The following PTPRE variants were observed in gnomAD, a reference collection of about 807,000 sequenced individuals.
PTPRE encodes receptor-type tyrosine-protein phosphatase epsilon.
In PTPRE, 51 loss-of-function variants were observed where a neutral mutation model predicts 102.0. The observed-to-expected ratio is 0.50, with a 90% confidence interval of 0.40 to 0.63. The LOEUF (loss-of-function observed/expected upper bound fraction) is 0.63. Ranked by LOEUF, PTPRE falls within the 30% of genes least tolerant of loss-of-function variation. The pLI, the probability that PTPRE is intolerant of heterozygous loss-of-function variation, is 0.00. For synonymous variants in PTPRE, 345 were observed against 348.2 expected (o/e 0.99, Z 0.10); for missense variants, 752 against 915.1 (o/e 0.82, Z 2.30).
intron 2 of PTPRE, among the ~76,000 whole-genome samples, chr10:128,022,755 A>T (rs1293258171): frequency 6.6e-6 from 1 of 152,220 alleles, no homozygotes; most frequent in Non-Finnish European, 1.5e-5. Context: ...AGGGCTTCCC[A>T]GGCGGGCACA....
At chr10:127,973,736 G>T (rs1311577451) in intron 1 of PTPRE, among the ~76,000 whole-genome samples, 2 of 151,866 alleles carry the variant, frequency 1.3e-5, no homozygotes, top group Non-Finnish European at 2.9e-5. Flanking sequence ...AATATCCTCT[G>T]CATGCCTGTG....
chr10:128,022,671 C>G lies in PTPRE; in HGVS notation c.-7-18204C>G, dbSNP rs901295162. 9.2e-5 allele frequency among the ~76,000 whole-genome samples: 14 copies of G among 152,302 alleles called. 1 individual carries two copies. Among genetic ancestry groups the G allele is most frequent in the African/African-American group, 2.9e-4 (12 of 41,566 alleles). On this transcript the variant is annotated intron_variant, in intron 2 of 20. Coordinates refer to ENST00000254667, the MANE Select transcript of PTPRE (RefSeq NM_006504.6). ...ACTCACAGGAGCTCATGTTCAAGTT[C>G]AGAGAGAAAAGCAGACAGGGAGGCA...
At chr10:128,041,541 G>A (rs1283012067) in intron 3 of PTPRE, among the ~76,000 whole-genome samples, 2 of 151,096 alleles carry the variant, frequency 1.3e-5, no homozygotes, top group Non-Finnish European at 2.9e-5. Flanking sequence ...CCAGCCACTC[G>A]GGAGGCTGAG....
At chr10:128,041,364 C>T (rs1433549184) in intron 3 of PTPRE, among the ~76,000 whole-genome samples, 1 of 152,102 alleles carries the variant, frequency 6.6e-6, no homozygotes, top group African/African-American at 2.4e-5. Context: ...AAGAATTATT[C>T]TTAGGCCGGG....
intron 12 of PTPRE, 79 bp from the exon 13 acceptor site, chr10:128,069,613 G>A: frequency 6.4e-7 from 1 of 1,557,602 alleles, no homozygotes; most frequent in East Asian, 2.3e-5. Context: ...TGACCTGGGT[G>A]CGCAGGCCCC....
chr10:128,010,568 TTTC>T (rs1315004585), intron 2 of PTPRE, among the ~76,000 whole-genome samples: 2 of 145,446 alleles, frequency 1.4e-5, no homozygotes, highest in African/African-American at 5.5e-5. Context: ...TTTCTTTTCT[TTTC>T]TTTTCTTTTC....
chr10:128,040,814 C>A (rs773454404), intron 2 of PTPRE, 61 bp from the exon 3 acceptor site: 35 of 1,317,078 alleles, frequency 2.7e-5, no homozygotes, highest in Non-Finnish European at 3.7e-5. Flanking sequence ...CACTGCCTGG[C>A]ACCGGAGGGT....
At position 127,944,808 on chromosome 10, in the gene PTPRE, T is replaced by A. The variant is rs775361631; in HGVS notation, c.-30-37466T>A. ...GTTGCAGTGAAAGAAGATAGTGGCA[T>A]AAAATTAGGTAGGTGGCAATGAGAT... On this transcript the variant is annotated intron_variant, in intron 1 of 20. Transcript: ENST00000254667. This position sits in a 1 kb window ranked among gnomAD's most constrained non-coding sequence, Gnocchi z 4.2. Among the ~76,000 whole-genome samples the A allele has an allele frequency of 2.0e-5, 3 of 152,088 alleles. No individual in the cohort carries two copies. The highest frequency in any genetic ancestry group is 4.4e-5 in the Non-Finnish European group (3 of 68,014).
At chr10:128,069,487 G>A (rs1850568684) in intron 12 of PTPRE, 1 of 621,846 alleles carries the variant, frequency 1.6e-6, no homozygotes, top group Non-Finnish European at 2.8e-6. Context: ...TTAGTAGAGT[G>A]TCGGTGGCTA....
intron 3 of PTPRE, among the ~76,000 whole-genome samples, chr10:128,041,646 CAAAAAAAA>C (rs59411622): frequency 3.9e-5 from 3 of 77,366 alleles, no homozygotes; most frequent in African/African-American, 5.4e-5. Flanking sequence ...GACTACGTCT[CAAAAAAAA>C]AAAAAAAAAA....
At chr10:128,060,661 C>T (rs368380654) in intron 7 of PTPRE, among the ~76,000 whole-genome samples, 4 of 152,168 alleles carry the variant, frequency 2.6e-5, no homozygotes, top group Non-Finnish European at 5.9e-5. Context: ...ACCCAGCAGC[C>T]CCCATCCTGG....
At chr10:127,999,394 C>A (rs1401381884) in intron 2 of PTPRE, 1 of 275,676 alleles carries the variant, frequency 3.6e-6, no homozygotes, top group Non-Finnish European at 5.5e-6. Context: ...TATTTTAGAA[C>A]TAAATGTGAA....
intron 1 of PTPRE, among the ~76,000 whole-genome samples, chr10:127,924,030 A>G (rs1033271058): frequency 1.3e-5 from 2 of 152,220 alleles, no homozygotes; most frequent in African/African-American, 4.8e-5. Flanking sequence ...CAAGATGCAT[A>G]CAAATAAACT....
chr10:127,938,355 T>C (rs1847977863), intron 1 of PTPRE, among the ~76,000 whole-genome samples: 1 of 151,896 alleles, frequency 6.6e-6, no homozygotes, highest in Non-Finnish European at 1.5e-5. Context: ...AGAAAAAAAG[T>C]TATAGTCTCC....
At chr10:128,079,512 C>T (rs748433245) in intron 19 of PTPRE, 48 bp from the exon 20 acceptor site, 2 of 1,592,082 alleles carry the variant, frequency 1.3e-6, no homozygotes, top group South Asian at 1.1e-5. Context: ...CATTTCTCAT[C>T]CCCAAGTGCA....
chr10:128,070,984 C>A lies in PTPRE; in HGVS notation c.1387+83C>A. ...TTCATCCTGGAGAAGCCATTGACCG[C>A]TTACCCCTGTGCACCAGGGTCAAAA... On this transcript the variant is annotated intron_variant, in intron 15 of 20. Coordinates refer to ENST00000254667, the MANE Select transcript of PTPRE (RefSeq NM_006504.6). The surrounding 1 kb of genome is among the most constrained non-coding windows in gnomAD (Gnocchi z 4.8). 1 of 1,375,616 alleles carries A rather than the reference C, an allele frequency of 7.3e-7. No homozygotes were observed. The highest frequency in any genetic ancestry group is 1.0e-6 in the Non-Finnish European group (1 of 978,532). The allele number at this position is 1,375,616 out of a possible 1,614,324, so 85.2% of individuals were successfully genotyped here. A position where few individuals can be genotyped will look rare whatever the true frequency, so the allele number is the denominator to read the frequency against.
At chr10:128,077,495 G>A (rs1217952434) in intron 18 of PTPRE, 122 bp from the exon 19 acceptor site, 4 of 1,267,240 alleles carry the variant, frequency 3.2e-6, no homozygotes, top group African/African-American at 1.5e-5. Flanking sequence ...CGGTGGGGAT[G>A]TTGGCAGCAC....
chr10:128,009,434 C>T (rs553900453), intron 2 of PTPRE, among the ~76,000 whole-genome samples: 2 of 152,156 alleles, frequency 1.3e-5, no homozygotes, highest in East Asian at 1.9e-4. Context: ...CTGAAGGGTG[C>T]GGCAGGTTCT....
intron 2 of PTPRE, among the ~76,000 whole-genome samples, chr10:128,022,724 T>C (rs978728211): frequency 5.3e-5 from 8 of 152,214 alleles, no homozygotes; most frequent in African/African-American, 1.4e-4. Context: ...CCAGCCATCA[T>C]GGCCAGCGGA....
Sources: gnomAD v4.1 joint callset for allele counts (sites outside exome capture counted in the v4.1 genomes callset) on GRCh38, gnomAD v4.1.1 for gene constraint, Gnocchi (gnomAD v3.1) non-coding constraint, MANE v1.5 for transcripts, NCBI Gene and HGNC (gene_info 2026-07-23, HGNC 2026-07-21) for gene names.